PHACTR3: variants seen among roughly 807,000 people sequenced by gnomAD.
The protein encoded by PHACTR3 is phosphatase and actin regulator 3.
Under a neutral mutation model 66.8 loss-of-function variants are expected in PHACTR3, and 16 were observed. That is an observed-to-expected ratio of 0.24 (90% CI 0.16 to 0.36). The LOEUF (loss-of-function observed/expected upper bound fraction) is 0.36, where lower values mean the gene tolerates loss of function less well. Among genes scored for constraint, PHACTR3 ranks in the 10% least tolerant of loss-of-function variants. PHACTR3 has a pLI of 1.00. For synonymous variants in PHACTR3, 323 were observed against 292.1 expected (o/e 1.11, Z -1.08); for missense variants, 647 against 719.9 (o/e 0.90, Z 1.16).
chr20:59,609,181 G>A (rs1267920378), intron 1 of PHACTR3, among the ~76,000 whole-genome samples: 1 of 152,164 alleles, frequency 6.6e-6, no homozygotes, highest in African/African-American at 2.4e-5. Flanking sequence ...TGCCTGGAGA[G>A]GGAGACCCTC....
At chr20:59,583,559 T>A (rs1365715465) in intron 1 of PHACTR3, among the ~76,000 whole-genome samples, 1 of 152,256 alleles carries the variant, frequency 6.6e-6, no homozygotes, top group East Asian at 1.9e-4. Flanking sequence ...GCTCCCCGCG[T>A]GCCCGCCTAC....
chr20:59,794,779 TC>T (rs1266942755), intron 7 of PHACTR3, among the ~76,000 whole-genome samples: 1 of 152,136 alleles, frequency 6.6e-6, no homozygotes, highest in African/African-American at 2.4e-5. Flanking sequence ...GCTGTACGTG[TC>T]CAGGAAATGA....
At chr20:59,757,239 A>C (rs1004146919) in intron 4 of PHACTR3, among the ~76,000 whole-genome samples, 4 of 152,182 alleles carry the variant, frequency 2.6e-5, no homozygotes, top group African/African-American at 9.7e-5. Context: ...TCTCCTTGGC[A>C]GTGATTTCTG....
intron 1 of PHACTR3, among the ~76,000 whole-genome samples, chr20:59,656,443 A>G (rs1170399079): frequency 6.6e-6 from 1 of 151,838 alleles, no homozygotes; most frequent in Non-Finnish European, 1.5e-5. Context: ...GCTTTATCTG[A>G]TATTGGAATA....
At chr20:59,718,564 G>C in intron 1 of PHACTR3, among the ~76,000 whole-genome samples, 1 of 143,754 alleles carries the variant, frequency 7.0e-6, no homozygotes, top group East Asian at 2.1e-4. Context: ...TGATGCTATA[G>C]AAAAAAAAAA....
intron 1 of PHACTR3, among the ~76,000 whole-genome samples, chr20:59,661,874 T>G (rs1286526189): frequency 6.6e-6 from 1 of 152,056 alleles, no homozygotes; most frequent in Non-Finnish European, 1.5e-5. Context: ...TACTGGCTTC[T>G]CTTGTCCACA....
At chr20:59,587,202 A>G (rs1227112404) in intron 1 of PHACTR3, among the ~76,000 whole-genome samples, 1 of 152,168 alleles carries the variant, frequency 6.6e-6, no homozygotes, top group Non-Finnish European at 1.5e-5. Context: ...ACCTGTCCTC[A>G]TCTGTGGCTT....
chr20:59,613,935 G>A (rs1215608510), intron 1 of PHACTR3, among the ~76,000 whole-genome samples: 1 of 152,190 alleles, frequency 6.6e-6, no homozygotes, highest in Non-Finnish European at 1.5e-5. Flanking sequence ...GCGATCAACG[G>A]CTGGAGTGAA....
At chr20:59,643,073 A>G (rs1025511844) in intron 1 of PHACTR3, among the ~76,000 whole-genome samples, 6 of 152,126 alleles carry the variant, frequency 3.9e-5, no homozygotes, top group Non-Finnish European at 7.4e-5. Context: ...CACCATGCCC[A>G]GCTAATTTTT....
intron 1 of PHACTR3, among the ~76,000 whole-genome samples, chr20:59,586,356 G>A (rs939940352): frequency 9.9e-5 from 15 of 152,156 alleles, no homozygotes; most frequent in Admixed American, 6.5e-4. Context: ...CACATTCTCC[G>A]TCTTCCATGA....
chr20:59,776,432 C>T (rs2040539505), intron 7 of PHACTR3, among the ~76,000 whole-genome samples: 1 of 152,158 alleles, frequency 6.6e-6, no homozygotes, highest in African/African-American at 2.4e-5. Context: ...TGGATTAATC[C>T]ATGTCAGCCC....
At chr20:59,595,968 G>A (rs1568923080) in intron 1 of PHACTR3, among the ~76,000 whole-genome samples, 1 of 152,128 alleles carries the variant, frequency 6.6e-6, no homozygotes, top group Admixed American at 6.5e-5. Context: ...TCATCTTGAT[G>A]AATTTTCACC....
chr20:59,753,953 AAGG>A (rs2039690631), intron 3 of PHACTR3, among the ~76,000 whole-genome samples: 1 of 152,172 alleles, frequency 6.6e-6, no homozygotes, highest in South Asian at 2.1e-4. Flanking sequence ...ACGTGTGTGG[AAGG>A]AGGTCAGCGT....
chr20:59,663,406 C>G (rs1420406585), intron 1 of PHACTR3, among the ~76,000 whole-genome samples: 1 of 152,138 alleles, frequency 6.6e-6, no homozygotes, highest in African/African-American at 2.4e-5. Context: ...GACATCAGGG[C>G]CACTGAACCA....
At chr20:59,727,664 G>A (rs926137514) in intron 1 of PHACTR3, among the ~76,000 whole-genome samples, 1 of 152,042 alleles carries the variant, frequency 6.6e-6, no homozygotes, top group African/African-American at 2.4e-5. Flanking sequence ...TGTTAAATGA[G>A]GTACTTATAA....
chr20:59,621,482 A>G (rs1015766698), intron 1 of PHACTR3, among the ~76,000 whole-genome samples: 1 of 152,220 alleles, frequency 6.6e-6, no homozygotes, highest in South Asian at 2.1e-4. Flanking sequence ...CACATGTAAC[A>G]TGCCCCGTTT....
At chr20:59,607,625 G>A (rs2033713625) in intron 1 of PHACTR3, among the ~76,000 whole-genome samples, 1 of 152,190 alleles carries the variant, frequency 6.6e-6, no homozygotes, top group African/African-American at 2.4e-5. Flanking sequence ...ATTTTCCAGA[G>A]GTTACCCCTG....
In PHACTR3 at chr20:59,743,123, G is replaced by T. The variant is rs780703888; in HGVS notation, c.135G>T (p.Thr45=). 6 of 1,613,336 alleles carry T rather than the reference G, an allele frequency of 3.7e-6. No homozygotes were observed. Among genetic ancestry groups the T allele is most frequent in the Admixed American group, 3.3e-5 (2 of 59,906 alleles). The part of the protein sequence containing the change: ...AGENPDEMDQ[T]PPARPEYLVS... ...GTCTTCCAGATGAGATGGACCAAAC[G>T]CCCCCGGCGCGTCCTGAATATCTGG... The change falls in exon 2 of 13, where the codon ACG becomes ACT. Residue 45 remains threonine, a synonymous_variant. Transcript: ENST00000371015.
exon 1 of PHACTR3, chr20:59,577,550 C>T (rs2032747203): frequency 8.4e-7 from 1 of 1,189,582 alleles, no homozygotes; most frequent in Non-Finnish European, 1.0e-6. Context: ...GTCCTGCGCC[C>T]CTGCGCTCGC....
Sources: allele counts gnomAD v4.1 joint callset (sites outside exome capture counted in the v4.1 genomes callset), GRCh38; gene constraint gnomAD v4.1.1; transcripts MANE v1.5; gene names NCBI Gene and HGNC (gene_info 2026-07-23, HGNC 2026-07-21).